Variants in FGF14 observed in about 807,000 individuals in gnomAD.
The protein encoded by FGF14 is fibroblast growth factor homologous factor 4.
In FGF14, 5 loss-of-function variants were observed where a neutral mutation model predicts 25.5. That is an observed-to-expected ratio of 0.20 (90% CI 0.10 to 0.41). The LOEUF (loss-of-function observed/expected upper bound fraction) is 0.41. Among genes scored for constraint, FGF14 ranks in the 10% least tolerant of loss-of-function variants. FGF14 has a pLI of 1.00. For synonymous variants in FGF14, 138 were observed against 118.3 expected (o/e 1.17, Z -1.08); for missense variants, 222 against 320.1 (o/e 0.69, Z 2.34).
intron 3 of FGF14, among the ~76,000 whole-genome samples, chr13:101,803,278 G>A (rs1024766552): frequency 1.3e-5 from 2 of 151,662 alleles, no homozygotes; most frequent in Non-Finnish European, 2.9e-5. Context: ...ACAGCTGCAC[G>A]TCACTACACT....
At chr13:101,953,588 A>T (rs1566487661) in intron 1 of FGF14, among the ~76,000 whole-genome samples, 1 of 148,690 alleles carries the variant, frequency 6.7e-6, no homozygotes, top group Non-Finnish European at 1.5e-5. Flanking sequence ...ATATATATAT[A>T]ATTTTTATTT....
intron 1 of FGF14, among the ~76,000 whole-genome samples, chr13:101,907,804 T>A (rs549970614): frequency 6.6e-6 from 1 of 151,996 alleles, no homozygotes. Context: ...GATAACACAG[T>A]AGGATGATGC....
intron 3 of FGF14, among the ~76,000 whole-genome samples, chr13:101,822,063 AG>A (rs1174700919): frequency 6.6e-6 from 1 of 152,176 alleles, no homozygotes; most frequent in Non-Finnish European, 1.5e-5. Context: ...AACATACTGT[AG>A]GAAAACTGTG....
At chr13:101,783,128 T>C (rs2039607415) in intron 3 of FGF14, among the ~76,000 whole-genome samples, 1 of 152,178 alleles carries the variant, frequency 6.6e-6, no homozygotes, top group East Asian at 1.9e-4. Context: ...TAATGATCAG[T>C]GATGTTGAGC....
At chr13:102,341,427 T>C (rs540057464) in intron 1 of FGF14, among the ~76,000 whole-genome samples, 1 of 152,318 alleles carries the variant, frequency 6.6e-6, no homozygotes, top group African/African-American at 2.4e-5. Flanking sequence ...AGACACTTCA[T>C]AGTGCAGATT....
intron 1 of FGF14, among the ~76,000 whole-genome samples, chr13:102,397,361 C>T (rs1424027124): frequency 6.6e-6 from 1 of 152,162 alleles, no homozygotes; most frequent in African/African-American, 2.4e-5. Context: ...ATCATGGGTC[C>T]TACCAAGCCC....
chr13:102,402,014 G>T, upstream of FGF14: 1 of 323,462 alleles, frequency 3.1e-6, no homozygotes, highest in Non-Finnish European at 5.6e-6. Flanking sequence ...CTTACTGAGA[G>T]AAGACTGCCA....
chr13:101,940,510 T>A (rs972219444), intron 1 of FGF14, among the ~76,000 whole-genome samples: 1 of 152,200 alleles, frequency 6.6e-6, no homozygotes, highest in African/African-American at 2.4e-5. Flanking sequence ...GAGGCTTTTG[T>A]ACAAATTGCT....
chr13:101,876,908 C>T lies in FGF14; in HGVS notation c.194-1612G>A, dbSNP rs1458319527. On this transcript the variant is annotated intron_variant, in intron 1 of 4. Coordinates refer to ENST00000376143, the MANE Select transcript of FGF14 (RefSeq NM_004115.4). The stretch of plus-strand genomic sequence containing the variant: ...TGCTGTATTTTATTTATGCTCTTCA[C>T]TGAAAATATGTAGCATGGAAAAGAA... Among the ~76,000 whole-genome samples, 4 of 151,736 alleles carry T rather than the reference C, an allele frequency of 2.6e-5. No homozygotes were observed. The East Asian group carries it at 7.7e-4, about 29-fold the overall frequency.
intron 1 of FGF14, among the ~76,000 whole-genome samples, chr13:101,984,223 T>C (rs1594904521): frequency 6.6e-6 from 1 of 152,154 alleles, no homozygotes; most frequent in African/African-American, 2.4e-5. Flanking sequence ...ATCCCAAGAT[T>C]GGCATTGTGA....
chr13:102,302,528 CCT>C (rs2055122953), intron 1 of FGF14, among the ~76,000 whole-genome samples: 1 of 152,082 alleles, frequency 6.6e-6, no homozygotes, highest in East Asian at 1.9e-4. Flanking sequence ...CAATCCTCAC[CCT>C]GTGCCCCAAA....
At chr13:102,390,168 C>T (rs765091569) in intron 1 of FGF14, among the ~76,000 whole-genome samples, 6 of 151,996 alleles carry the variant, frequency 3.9e-5, no homozygotes, top group Non-Finnish European at 8.8e-5. Context: ...ATCAGAATGG[C>T]GGTTGCTTCT....
chr13:102,319,131 T>C lies in FGF14; in HGVS notation c.208+82340A>G, dbSNP rs541337620. Among the ~76,000 whole-genome samples, 6 of 152,342 alleles carry C rather than the reference T, an allele frequency of 3.9e-5. No individual in the cohort carries two copies. The South Asian group carries it at 1.2e-3, about 32-fold the overall frequency. On this transcript the variant is annotated intron_variant, in intron 1 of 4. Coordinates refer to the FGF14 transcript ENST00000376131. Reference sequence around the variant, plus strand: ...AAGTTGGAGTGCTATAAATAGCAGTTAGTCTTATCCTTCAAAATGTCATGT... The same window carrying C: ...AAGTTGGAGTGCTATAAATAGCAGTCAGTCTTATCCTTCAAAATGTCATGT...
At chr13:102,141,294 AT>A (rs919224555) in intron 1 of FGF14, among the ~76,000 whole-genome samples, 61 of 152,182 alleles carry the variant, frequency 4.0e-4, no homozygotes, top group African/African-American at 1.4e-3. Context: ...CACCCAGTAG[AT>A]GTTCAGTGGA....
intron 1 of FGF14, among the ~76,000 whole-genome samples, chr13:102,120,411 G>C (rs2045665532): frequency 6.6e-6 from 1 of 152,178 alleles, no homozygotes; most frequent in South Asian, 2.1e-4. Context: ...TGTTAAATGA[G>C]GAGAGCTATC....
At chr13:101,850,493 TATATATATATA>T (rs2043739644) in intron 3 of FGF14, among the ~76,000 whole-genome samples, 3 of 3,380 alleles carry the variant, frequency 8.9e-4, no homozygotes, top group Admixed American at 1.7e-3. Context: ...TATATATATA[TATATATATATA>T]TATATATATA....
chr13:102,161,059 C>T (rs1036082717), intron 1 of FGF14, among the ~76,000 whole-genome samples: 10 of 151,674 alleles, frequency 6.6e-5, no homozygotes, highest in African/African-American at 2.2e-4. Context: ...GGAAAATAAA[C>T]AAAGTATTCC....
chr13:102,179,863 C>A (rs1594300548), intron 1 of FGF14, among the ~76,000 whole-genome samples: 2 of 152,226 alleles, frequency 1.3e-5, no homozygotes, highest in South Asian at 2.1e-4. Flanking sequence ...GCTCTTCCAT[C>A]CCTTTTCAAA....
chr13:102,108,399 C>T (rs146800546), intron 1 of FGF14, among the ~76,000 whole-genome samples: 33 of 152,304 alleles, frequency 2.2e-4, no homozygotes, highest in African/African-American at 7.5e-4. Context: ...CACAGAATTA[C>T]ATAGTAGTAG....
Sources: allele counts gnomAD v4.1 joint callset (sites outside exome capture counted in the v4.1 genomes callset), GRCh38; gene constraint gnomAD v4.1.1; transcripts MANE v1.5; gene names NCBI Gene and HGNC (gene_info 2026-07-23, HGNC 2026-07-21).